Variants in LMBRD1 observed in about 807,000 individuals in gnomAD.
The protein encoded by LMBRD1 is lysosomal cobalamin transport escort protein LMBD1.
A neutral mutation model predicts 74.8 loss-of-function variants in LMBRD1; 64 were observed. The ratio of observed to expected loss-of-function variants is 0.86; its 90% CI spans 0.70 to 1.05. LMBRD1 has a LOEUF of 1.05. Ranked by LOEUF, LMBRD1 falls within the 50% of genes least tolerant of loss-of-function variation. The pLI, the probability that LMBRD1 is intolerant of heterozygous loss-of-function variation, is 0.00. For missense variants in LMBRD1, 652 were observed against 645.9 expected (o/e 1.01, Z -0.10); for synonymous variants, 204 against 216.3 (o/e 0.94, Z 0.50).
intron 3 of LMBRD1, among the ~76,000 whole-genome samples, chr6:69,756,944 C>G (rs1765279736): frequency 6.6e-6 from 1 of 152,176 alleles, no homozygotes; most frequent in Non-Finnish European, 1.5e-5. Context: ...GTAAGCCACA[C>G]AAGCAGGACC....
chr6:69,683,713 T>C (rs917427020), intron 14 of LMBRD1, among the ~76,000 whole-genome samples: 1 of 151,012 alleles, frequency 6.6e-6, no homozygotes, highest in Non-Finnish European at 1.5e-5. Flanking sequence ...CTTAGCACAG[T>C]CATTTGTTTC....
chr6:69,695,518 C>G (rs1466971690), intron 14 of LMBRD1, among the ~76,000 whole-genome samples: 1 of 152,048 alleles, frequency 6.6e-6, no homozygotes, highest in Non-Finnish European at 1.5e-5. Context: ...TGCTCAAGTC[C>G]CTTACATAAA....
At chr6:69,767,799 T>C (rs1265720725) in intron 3 of LMBRD1, among the ~76,000 whole-genome samples, 2 of 151,940 alleles carry the variant, frequency 1.3e-5, no homozygotes, top group African/African-American at 4.8e-5. Flanking sequence ...AAGAGTTGGT[T>C]ACTCAAATTT....
rs987339206 is a variant in LMBRD1, at chr6:69,674,501, T to A, written c.*1657A>T. 2.6e-5 allele frequency among the ~76,000 whole-genome samples: 4 copies of A among 152,170 alleles called. No homozygotes were observed. Among genetic ancestry groups the A allele is most frequent in the Non-Finnish European group, 5.9e-5 (4 of 68,030 alleles). ...AGGCAATCAAGTGTCTGCGGTGCCATTTGTCAAAAAAATGAATGCAGAAGA... is the reference window on the plus strand; with the variant it reads ...AGGCAATCAAGTGTCTGCGGTGCCAATTGTCAAAAAAATGAATGCAGAAGA... On this transcript the variant is annotated 3_prime_UTR_variant, in exon 16 of 16. Coordinates refer to ENST00000649934, the MANE Select transcript of LMBRD1 (RefSeq NM_018368.4).
chr6:69,767,673 C>CTGCATA lies in LMBRD1; in HGVS notation c.307+12820_307+12821insTATGCA, dbSNP rs1765499098. ...GCTTTAAGTCAATTGTGTTCTGCAT[C>CTGCATA]CATTGGGATACAATTTTCTACATTT... is the stretch of plus-strand genomic sequence containing the variant. On this transcript the variant is annotated intron_variant, in intron 3 of 15. Coordinates refer to ENST00000649934, the MANE Select transcript of LMBRD1 (RefSeq NM_018368.4). 9.2e-5 allele frequency among the ~76,000 whole-genome samples: 14 copies of CTGCATA among 151,834 alleles called. No individual in the cohort carries two copies. The South Asian group carries it at 2.9e-3, about 31-fold the overall frequency.
chr6:69,780,429 C>A, intron 3 of LMBRD1, 65 bp downstream of exon 3: 3 of 1,177,272 alleles, frequency 2.5e-6, no homozygotes, highest in Non-Finnish European at 3.8e-6. Flanking sequence ...GTTCTCCACT[C>A]ATCGGAGTCG....
At position 69,719,107 on chromosome 6, in the gene LMBRD1, T is replaced by C. The variant is rs763184271; in HGVS notation, c.637-26A>G. The C allele has an allele frequency of 5.6e-6, 9 of 1,603,744 alleles. No individual in the cohort carries two copies. The Admixed American group carries it at 1.5e-4, about 27-fold the overall frequency. On this transcript the variant is annotated intron_variant, in intron 7 of 15. Coordinates refer to ENST00000649934, the MANE Select transcript of LMBRD1 (RefSeq NM_018368.4). ...CTAAAAGAAAAACAATTGAAATGTT[T>C]TAGAAATAATGTTTCAAACATATTA...
intron 13 of LMBRD1, among the ~76,000 whole-genome samples, chr6:69,698,091 T>C (rs892284785): frequency 1.3e-5 from 2 of 152,030 alleles, no homozygotes; most frequent in African/African-American, 2.4e-5. Flanking sequence ...GTGAGAAATA[T>C]GGTTCAGGTG....
intron 8 of LMBRD1, among the ~76,000 whole-genome samples, chr6:69,717,398 G>A (rs540632409): frequency 1.6e-4 from 25 of 152,074 alleles, no homozygotes; most frequent in Non-Finnish European, 2.4e-4. Context: ...TATATTTGAC[G>A]TTAATGGGAA....
At chr6:69,722,979 G>GA (rs1766649620) in intron 7 of LMBRD1, among the ~76,000 whole-genome samples, 1 of 151,994 alleles carries the variant, frequency 6.6e-6, no homozygotes, top group African/African-American at 2.4e-5. Context: ...GACTGGAATG[G>GA]AAAAAGATAT....
intron 9 of LMBRD1, among the ~76,000 whole-genome samples, chr6:69,703,478 T>C (rs546456272): frequency 2.7e-5 from 4 of 149,822 alleles, no homozygotes; most frequent in Non-Finnish European, 4.4e-5. Flanking sequence ...AAATTTAAAA[T>C]TAAAAAAAAA....
intron 9 of LMBRD1, among the ~76,000 whole-genome samples, chr6:69,704,965 T>C (rs1167113910): frequency 7.2e-5 from 11 of 152,116 alleles, no homozygotes; most frequent in Non-Finnish European, 1.6e-4. Context: ...TTTCTCTTTT[T>C]TTTAAATTTA....
In LMBRD1 at chr6:69,713,708, CCT is replaced by C; in HGVS notation, c.850_851del (p.Arg284AlafsTer6). 2 of 1,613,638 alleles carry C rather than the reference CCT, an allele frequency of 1.2e-6. No individual in the cohort carries two copies. Among genetic ancestry groups the C allele is most frequent in the Non-Finnish European group, 1.7e-6 (2 of 1,179,678 alleles). On this transcript the variant is annotated frameshift_variant, in exon 9 of 16. Coordinates refer to ENST00000649934, the MANE Select transcript of LMBRD1 (RefSeq NM_018368.4). LOFTEE classifies it high-confidence loss of function. ...ERLRTLKKRE[R>X]HLEFIENSWW... is the part of the protein sequence containing the mutation. The stretch of plus-strand genomic sequence containing the variant: ...AGCTGTTTTCAATGAATTCTAAATG[CCT>C]CTCTCTCTTCTTAAGTGTTCGTAAC...
chr6:69,764,167 A>G (rs1330131743), intron 3 of LMBRD1, among the ~76,000 whole-genome samples: 1 of 152,154 alleles, frequency 6.6e-6, no homozygotes, highest in African/African-American at 2.4e-5. Flanking sequence ...TCCCCCCAGA[A>G]TTCATATGTT....
intron 3 of LMBRD1, among the ~76,000 whole-genome samples, chr6:69,754,056 A>G (rs1256662266): frequency 6.6e-6 from 1 of 152,218 alleles, no homozygotes; most frequent in Non-Finnish European, 1.5e-5. Flanking sequence ...GACAAATACG[A>G]TATGACTCTA....
chr6:69,796,835 C>T lies in LMBRD1; in HGVS notation c.47G>A (p.Cys16Tyr). The T allele has an allele frequency of 6.2e-7, 1 of 1,613,944 alleles. No individual in the cohort carries two copies. The highest frequency in any genetic ancestry group is 8.5e-7 in the Non-Finnish European group (1 of 1,179,964). The change falls in exon 1 of 16, where the codon TGC (cysteine) becomes TAC (tyrosine). Residue 16 changes from cysteine (C) to tyrosine (Y), a missense_variant. Cys to Tyr is a radical substitution (Grantham distance 194). Coordinates refer to ENST00000649934, the MANE Select transcript of LMBRD1 (RefSeq NM_018368.4). ...TACCAGTAGTAAGAGGCCGAATATG[C>T]ACCAGCCGATCACCAGCTCCGCCGA... ...AASAELVIGW[C>Y]IFGLLLLAIL... is the part of the protein sequence containing the mutation.
At chr6:69,789,439 A>C (rs992759553) in intron 2 of LMBRD1, among the ~76,000 whole-genome samples, 7 of 152,134 alleles carry the variant, frequency 4.6e-5, no homozygotes, top group African/African-American at 1.7e-4. Context: ...AGGGACGAGA[A>C]TCGCTTGAAC....
At chr6:69,770,606 G>T (rs533599439) in intron 3 of LMBRD1, among the ~76,000 whole-genome samples, 34 of 152,250 alleles carry the variant, frequency 2.2e-4, no homozygotes, top group African/African-American at 7.0e-4. Flanking sequence ...ATTCAAGTGA[G>T]TTTCCCTAAA....
Position 69,741,641 on chromosome 6 carries a change from G to A in LMBRD1, c.562+148C>T, listed in dbSNP as rs141492871. On this transcript the variant is annotated intron_variant, in intron 6 of 15. Coordinates refer to ENST00000649934, the MANE Select transcript of LMBRD1 (RefSeq NM_018368.4). ...CCTCGTGATCCACCCCCCACCCCTCGGCCTCCCAAAGTGCTAGGATTACAG... is the reference window on the plus strand; with the variant it reads ...CCTCGTGATCCACCCCCCACCCCTCAGCCTCCCAAAGTGCTAGGATTACAG... 5,452 of 439,648 alleles carry A rather than the reference G, an allele frequency of 0.012. 171 individuals carry two copies. Among genetic ancestry groups the A allele is most frequent in the East Asian group, 0.1 (2,562 of 25,330 alleles). 27.2% of individuals were successfully genotyped at this position (439,648 alleles called of 1,614,324 possible).
Sources: gnomAD v4.1 joint callset for allele counts (sites outside exome capture counted in the v4.1 genomes callset) on GRCh38, gnomAD v4.1.1 for gene constraint, MANE v1.5 for transcripts, NCBI Gene and HGNC (gene_info 2026-07-23, HGNC 2026-07-21) for gene names.